Variants in USP38 observed in about 807,000 individuals in gnomAD.
USP38 encodes ubiquitin specific peptidase 38.
USP38 carries 49 observed loss-of-function variants against 94.3 expected under a neutral mutation model. That is an observed-to-expected ratio of 0.52 (90% CI 0.41 to 0.66). The LOEUF (loss-of-function observed/expected upper bound fraction) is 0.66. USP38 is among the 30% of genes least tolerant of loss of function. The pLI, the probability that USP38 is intolerant of heterozygous loss-of-function variation, is 0.00. For synonymous variants in USP38, 468 were observed against 463.6 expected, an observed-to-expected ratio of 1.01 and a Z score of -0.12; for missense variants, 1,128 against 1,229.4, an observed-to-expected ratio of 0.92 and a Z score of 1.23.
At chr4:143,212,285 A>G (rs1173061094) in intron 7 of USP38, 33 bp from the exon 8 acceptor site, 2 of 1,485,612 alleles carry the variant, frequency 1.3e-6, no homozygotes, top group Non-Finnish European at 1.9e-6. Flanking sequence ...TATAAGAATC[A>G]CTTCCTTATA....
chr4:143,190,486 T>C (rs1029911021), intron 2 of USP38, among the ~76,000 whole-genome samples: 2 of 151,290 alleles, frequency 1.3e-5, no homozygotes, highest in African/African-American at 4.8e-5. Flanking sequence ...GGTAGTCAAG[T>C]TTCTCACTTA....
At chr4:143,187,302 TTTAAG>T (rs1356774620) in intron 1 of USP38, among the ~76,000 whole-genome samples, 5 of 152,128 alleles carry the variant, frequency 3.3e-5, no homozygotes, top group African/African-American at 1.2e-4. Context: ...GATGAATAGT[TTTAAG>T]TTATTTTGGA....
Position 143,187,933 on chromosome 4 carries a change from G to A in USP38, c.790G>A (p.Asp264Asn), listed in dbSNP as rs778342268. The change falls in exon 2 of 10, where the codon GAT becomes AAT. Residue 264 changes from aspartate to asparagine, a missense_variant. Transcript: ENST00000307017. ...CCTTACTACGGATCCAAATGTAAAA[G>A]ATGCAAGTATGACCCAAGCCCTTTG... ...RSLTTDPNVKDASMTQALCRM... is the reference protein window; with the variant it reads ...RSLTTDPNVKNASMTQALCRM... 6.2e-7 allele frequency: 1 copy of A among 1,613,612 alleles called. No homozygotes were observed. The highest frequency in any genetic ancestry group is 8.5e-7 in the Non-Finnish European group (1 of 1,179,700).
chr4:143,206,295 A>G, intron 6 of USP38, 69 bp downstream of exon 6: 5 of 1,314,856 alleles, frequency 3.8e-6, no homozygotes, highest in Non-Finnish European at 4.1e-6. Flanking sequence ...ATATAAGATG[A>G]TAGAATTGTC....
intron 4 of USP38, among the ~76,000 whole-genome samples, chr4:143,201,485 G>C (rs1256981425): frequency 6.6e-6 from 1 of 152,250 alleles, no homozygotes; most frequent in South Asian, 2.1e-4. Context: ...CTAGTAGTGG[G>C]TAATGTGGTA....
At chr4:143,195,582 G>A (rs755208360) in intron 2 of USP38, 134 bp from the exon 3 acceptor site, 519 of 828,486 alleles carry the variant, frequency 6.3e-4, no homozygotes, top group Non-Finnish European at 8.4e-4. Context: ...TCTACATCTT[G>A]GTCAGTGCTT....
At position 143,186,006 on chromosome 4, in the gene USP38, A is replaced by G. The variant is rs201841340; in HGVS notation, c.556A>G (p.Arg186Gly). Residue 186 changes from arginine (R) to glycine (G), a missense_variant, in exon 1 of 10, where the codon AGA becomes GGA. Transcript: ENST00000307017. ...TTTCCAGTGCGTGTCCACCCAGGAA[A>G]GAGAGCTGCGGGAATATGTCTCCCA... ...GHFQCVSTQE[R>G]ELREYVSQVT... The G allele has an allele frequency of 2.3e-5, 37 of 1,614,216 alleles. 1 individual carries two copies. The Admixed American group carries it at 4.8e-4, about 21-fold the overall frequency.
In USP38 at chr4:143,213,907, G is replaced by A; in HGVS notation, c.1931G>A (p.Gly644Asp). 5 of 1,613,806 alleles carry A rather than the reference G, an allele frequency of 3.1e-6. No individual in the cohort carries two copies. The highest frequency in any genetic ancestry group is 2.2e-5 in the East Asian group (1 of 44,872). ...PASSPSIQDG[G>D]LMQASVPGPS... ...TCATCACCCAGTATACAAGATGGTG[G>A]TCTAATGCAAGCCTCTGTACCCGGT... The change falls in exon 9 of 10, where the codon GGT (glycine) becomes GAT (aspartate). Residue 644 changes from glycine to aspartate, a missense_variant. By Grantham distance (94) the Gly-to-Asp change is moderately conservative. Coordinates refer to ENST00000307017, the MANE Select transcript of USP38 (RefSeq NM_032557.6).
rs1732353885 is a variant in USP38, at chr4:143,222,661, C to A, written c.*2205C>A. Reference sequence around the variant, plus strand: ...CATACCAGTACCAAAAACTTGAAGACTTCCTTTTAACATTAAAAATACAGT... The same window carrying A: ...CATACCAGTACCAAAAACTTGAAGAATTCCTTTTAACATTAAAAATACAGT... On this transcript the variant is annotated 3_prime_UTR_variant, in exon 10 of 10. Transcript: ENST00000307017. The A allele has an allele frequency of 6.6e-6, 1 of 152,034 alleles. No homozygotes were observed. Among genetic ancestry groups the A allele is most frequent in the African/African-American group, 2.4e-5 (1 of 41,440 alleles). The allele number at this position is 152,034 out of a possible 1,614,324, so 9.4% of individuals were successfully genotyped here. A position where few individuals can be genotyped will look rare whatever the true frequency, so the allele number is the denominator to read the frequency against.
In USP38 at chr4:143,220,500, C is replaced by T. The variant is rs1732296577; in HGVS notation, c.*44C>T. ...TGCACTGGTCACGAAACGTCTAATA[C>T]TATGACTGTTAAAATGTCAGACTAT... On this transcript the variant is annotated 3_prime_UTR_variant, in exon 10 of 10. Transcript: ENST00000307017. 1 of 1,498,232 alleles carries T rather than the reference C, an allele frequency of 6.7e-7. No homozygotes were observed. Among genetic ancestry groups the T allele is most frequent in the Non-Finnish European group, 8.9e-7 (1 of 1,118,922 alleles). The allele number at this position is 1,498,232 out of a possible 1,614,324, so 92.8% of individuals were successfully genotyped here. A position where few individuals can be genotyped will look rare whatever the true frequency, so the allele number is the denominator to read the frequency against.
At position 143,206,021 on chromosome 4, in the gene USP38, T is replaced by TA. The variant is rs772419045; in HGVS notation, c.1210-11dup. On this transcript the variant is annotated splice_polypyrimidine_tract_variant and intron_variant, in intron 5 of 9. Transcript: ENST00000307017. ...TTACTTTTAAACTGTTTTTCTTCTT[T>TA]ATGACCTATAGGATTTTCCTAAGCC... The TA allele has an allele frequency of 1.3e-6, 2 of 1,513,460 alleles. No homozygotes were observed. Among genetic ancestry groups the TA allele is most frequent in the African/African-American group, 2.8e-5 (2 of 71,088 alleles). 93.8% of individuals were successfully genotyped at this position (1,513,460 alleles called of 1,614,324 possible). A position where few individuals can be genotyped will look rare whatever the true frequency, so the allele number is the denominator to read the frequency against.
chr4:143,190,081 A>G (rs542972755), intron 2 of USP38, among the ~76,000 whole-genome samples: 15 of 152,170 alleles, frequency 9.9e-5, no homozygotes, highest in African/African-American at 3.6e-4. Context: ...TCTGTGCCGT[A>G]TTTAGCAGCA....
Position 143,185,945 on chromosome 4 carries a change from C to G in USP38, c.495C>G (p.Ile165Met), listed in dbSNP as rs781554174. The change falls in exon 1 of 10, where the codon ATC becomes ATG. Residue 165 changes from isoleucine (I) to methionine (M), a missense_variant. By Grantham distance (10) the Ile-to-Met change is conservative (BLOSUM62 1). Coordinates refer to ENST00000307017, the MANE Select transcript of USP38 (RefSeq NM_032557.6). ...GCATCCCCAAGGGGAAATTGTCCATCACGTTCTGTCAACAGCTGGTTCGAA... is the reference window on the plus strand; with the variant it reads ...GCATCCCCAAGGGGAAATTGTCCATGACGTTCTGTCAACAGCTGGTTCGAA... The part of the protein sequence containing the change: ...VQCIPKGKLS[I>M]TFCQQLVRTI... 1.9e-6 allele frequency: 3 copies of G among 1,614,166 alleles called. No homozygotes were observed. The highest frequency in any genetic ancestry group is 1.7e-6 in the Non-Finnish European group (2 of 1,180,032).
Position 143,195,858 on chromosome 4 carries a change from A to G in USP38, c.948+13A>G. 1.2e-6 allele frequency: 2 copies of G among 1,603,720 alleles called. No individual in the cohort carries two copies. The highest frequency in any genetic ancestry group is 1.1e-5 in the South Asian group (1 of 89,042). Reference sequence around the variant, plus strand: ...GAAAATAGAACTGGTAAGTGGGAGTATGGAAATCTATTAGAATATATAGAC... The same window carrying G: ...GAAAATAGAACTGGTAAGTGGGAGTGTGGAAATCTATTAGAATATATAGAC... On this transcript the variant is annotated intron_variant, in intron 3 of 9. Coordinates refer to ENST00000307017, the MANE Select transcript of USP38 (RefSeq NM_032557.6).
Position 143,213,628 on chromosome 4 carries a change from C to T in USP38, c.1652C>T (p.Pro551Leu), listed in dbSNP as rs1732089643. 1 of 1,613,070 alleles carries T rather than the reference C, an allele frequency of 6.2e-7. No homozygotes were observed. The highest frequency in any genetic ancestry group is 8.5e-7 in the Non-Finnish European group (1 of 1,179,570). The change falls in exon 9 of 10, where the codon CCT (proline) becomes CTT (leucine). Residue 551 changes from proline (P) to leucine (L), a missense_variant. By Grantham distance (98) the Pro-to-Leu change is moderately conservative. Coordinates refer to ENST00000307017, the MANE Select transcript of USP38 (RefSeq NM_032557.6). ...KILKVQASHK[P>L]SEILECSETS... Reference sequence around the variant, plus strand: ...TTGAAAGTTCAGGCCTCACACAAGCCTTCTGAAATTCTGGAATGCAGTGAA... The same window carrying T: ...TTGAAAGTTCAGGCCTCACACAAGCTTTCTGAAATTCTGGAATGCAGTGAA...
chr4:143,213,507 C>T (rs911003930), intron 8 of USP38, 74 bp from the exon 9 acceptor site: 1 of 1,368,680 alleles, frequency 7.3e-7, no homozygotes, highest in African/African-American at 1.5e-5. Context: ...TTTATAGAAG[C>T]CACTAATATT....
At chr4:143,206,517 C>T (rs936562596) in intron 6 of USP38, among the ~76,000 whole-genome samples, 2 of 152,020 alleles carry the variant, frequency 1.3e-5, no homozygotes, top group African/African-American at 4.8e-5. Flanking sequence ...TGGCAAAATC[C>T]CATCACTACT....
chr4:143,206,051 G>A lies in USP38; in HGVS notation c.1228G>A (p.Glu410Lys), dbSNP rs761444526. The change falls in exon 6 of 10, where the codon GAA becomes AAA. Residue 410 changes from glutamate to lysine, a missense_variant. By Grantham distance (56) the Glu-to-Lys change is moderately conservative (BLOSUM62 1). Transcript: ENST00000307017. ...EAIKDFPKPS[E>K]EKIKLILNQS... Reference sequence around the variant, plus strand: ...CCTATAGGATTTTCCTAAGCCCAGTGAAGAGAAGATTAAGTTAATTCTCAA... The same window carrying A: ...CCTATAGGATTTTCCTAAGCCCAGTAAAGAGAAGATTAAGTTAATTCTCAA... 9 of 1,604,190 alleles carry A rather than the reference G, an allele frequency of 5.6e-6. No individual in the cohort carries two copies. Among genetic ancestry groups the A allele is most frequent in the Non-Finnish European group, 7.7e-6 (9 of 1,175,896 alleles).
chr4:143,213,771 C>T lies in USP38; in HGVS notation c.1795C>T (p.Arg599Cys), dbSNP rs75962202. 1.4e-3 allele frequency: 2,233 copies of T among 1,613,756 alleles called. 23 individuals carry two copies. The African/African-American group carries it at 0.026, about 19-fold the overall frequency. Reference protein sequence around the residue: ...MFGGKLRTHIRCLNCRSTSQK... With the variant: ...MFGGKLRTHICCLNCRSTSQK... Reference sequence around the variant, plus strand: ...TGGAGGAAAACTACGAACTCACATACGTTGTTTGAACTGCAGGAGTACCTC... The same window carrying T: ...TGGAGGAAAACTACGAACTCACATATGTTGTTTGAACTGCAGGAGTACCTC... Residue 599 changes from arginine (R) to cysteine (C), a missense_variant, in exon 9 of 10, where the codon CGT (arginine) becomes TGT (cysteine). Arg to Cys is a radical substitution (Grantham distance 180). Coordinates refer to ENST00000307017, the MANE Select transcript of USP38 (RefSeq NM_032557.6).
Sources: gnomAD v4.1 joint callset for allele counts (sites outside exome capture counted in the v4.1 genomes callset) on GRCh38, gnomAD v4.1.1 for gene constraint, MANE v1.5 for transcripts, NCBI Gene and HGNC (gene_info 2026-07-23, HGNC 2026-07-21) for gene names.